The following GIGYF2 variants were observed in gnomAD, a reference collection of about 807,000 sequenced individuals.
GIGYF2 encodes the protein GRB10 interacting GYF protein 2.
A neutral mutation model predicts 208.1 loss-of-function variants in GIGYF2; 25 were observed. That is an observed-to-expected ratio of 0.12 (90% CI 0.09 to 0.17). The LOEUF (loss-of-function observed/expected upper bound fraction) is 0.17. Ranked by LOEUF, GIGYF2 falls within the 10% of genes least tolerant of loss-of-function variation. GIGYF2 has a pLI of 1.00. For synonymous variants in GIGYF2, 534 were observed against 543.8 expected (o/e 0.98, Z 0.25); for missense variants, 1,302 against 1,579.4 (o/e 0.82, Z 2.98).
At chr2:232,856,649 G>A (rs1035891657) in intron 28 of GIGYF2, 144 bp from the exon 29 acceptor site, 36 of 730,052 alleles carry the variant, frequency 4.9e-5, no homozygotes, top group African/African-American at 3.3e-4. Flanking sequence ...CCGAGATCAC[G>A]CCACTGCACT....
intron 16 of GIGYF2, among the ~76,000 whole-genome samples, chr2:232,810,145 G>T (rs542052546): frequency 6.6e-6 from 1 of 152,112 alleles, no homozygotes; most frequent in African/African-American, 2.4e-5. Flanking sequence ...GTGCCACCAC[G>T]CCCAGCCTAT....
At chr2:232,798,524 A>C (rs1700293854) in intron 14 of GIGYF2, among the ~76,000 whole-genome samples, 1 of 152,196 alleles carries the variant, frequency 6.6e-6, no homozygotes, top group Non-Finnish European at 1.5e-5. Flanking sequence ...TCATATGCCC[A>C]CCAGCAATGT....
intron 9 of GIGYF2, among the ~76,000 whole-genome samples, 196 bp from the exon 10 acceptor site, chr2:232,790,502 A>T (rs530838994): frequency 1.3e-5 from 2 of 152,282 alleles, no homozygotes; most frequent in South Asian, 4.1e-4. Flanking sequence ...GTACTTAAGT[A>T]CTGTTGTCAT....
intron 17 of GIGYF2, among the ~76,000 whole-genome samples, 156 bp downstream of exon 17, chr2:232,811,507 T>A (rs1204116889): frequency 6.6e-6 from 1 of 152,182 alleles, no homozygotes; most frequent in Non-Finnish European, 1.5e-5. Flanking sequence ...TTTAAAAAAA[T>A]ATTTCAGGTG....
chr2:232,794,960 A>G lies in GIGYF2; in HGVS notation c.1479+16A>G. The G allele has an allele frequency of 6.3e-7, 1 of 1,585,848 alleles. No homozygotes were observed. Among genetic ancestry groups the G allele is most frequent in the Non-Finnish European group, 8.7e-7 (1 of 1,154,640 alleles). ...TTTGGAGCAGGTAAAAATCCTGTTA[A>G]TTCTTTTTGTCTCCTCTTAAACTGC... is the stretch of plus-strand genomic sequence containing the variant. On this transcript the variant is annotated intron_variant, in intron 13 of 28. Coordinates refer to ENST00000373563, the MANE Select transcript of GIGYF2 (RefSeq NM_001103146.3).
In GIGYF2 at chr2:232,796,176, G is replaced by A. The variant is rs1375567405; in HGVS notation, c.1594G>A (p.Ala532Thr). ...KGVSIPLMHE[A>T]MQKWYYKDPQ... ...AGTGTCGATTCCATTGATGCATGAA[G>A]CAATGCAGAAGTGGTATTACAAAGA... Residue 532 changes from alanine (A) to threonine (T), a missense_variant, in exon 14 of 29, where the codon GCA (alanine) becomes ACA (threonine). Coordinates refer to ENST00000373563, the MANE Select transcript of GIGYF2 (RefSeq NM_001103146.3). The A allele has an allele frequency of 6.2e-7, 1 of 1,602,394 alleles. No homozygotes were observed. The highest frequency in any genetic ancestry group is 1.1e-5 in the South Asian group (1 of 90,854).
At chr2:232,805,243 G>A (rs994009622) in intron 14 of GIGYF2, among the ~76,000 whole-genome samples, 4 of 152,076 alleles carry the variant, frequency 2.6e-5, no homozygotes, top group African/African-American at 7.2e-5. Flanking sequence ...TTGGTTGATG[G>A]TTTTGTTGAA....
intron 16 of GIGYF2, chr2:232,810,940 A>ATT (rs1406550672): frequency 3.4e-6 from 1 of 298,368 alleles, no homozygotes; most frequent in Non-Finnish European, 6.4e-6. Flanking sequence ...GAGTTTACCA[A>ATT]TTTTTGACAT....
chr2:232,710,680 G>A (rs188237587), intron 2 of GIGYF2, among the ~76,000 whole-genome samples: 66 of 150,080 alleles, frequency 4.4e-4, no homozygotes, highest in Non-Finnish European at 7.5e-4. Flanking sequence ...TCACATTTTG[G>A]ATCTTGGTGT....
At position 232,856,819 on chromosome 2, in the gene GIGYF2, C is replaced by A. The variant is rs1350414008; in HGVS notation, c.3859C>A (p.Arg1287=). 1 of 1,613,166 alleles carries A rather than the reference C, an allele frequency of 6.2e-7. No homozygotes were observed. The highest frequency in any genetic ancestry group is 8.5e-7 in the Non-Finnish European group (1 of 1,179,226). Reference sequence around the variant, plus strand: ...ATTTTCAGTCAATGCATCATCGGAGCGACTCAACATGGGTGAAATCGAGAC... The same window carrying A: ...ATTTTCAGTCAATGCATCATCGGAGAGACTCAACATGGGTGAAATCGAGAC... The part of the protein sequence containing the change: ...LGFSVNASSE[R]LNMGEIETLD... The change falls in exon 29 of 29, where the codon CGA becomes AGA. Residue 1287 remains arginine (R), a synonymous_variant. Transcript: ENST00000373563.
chr2:232,708,671 TAAA>T lies in GIGYF2; in HGVS notation c.-44+5201_-44+5203del, dbSNP rs11365519. On this transcript the variant is annotated intron_variant, in intron 2 of 28. Transcript: ENST00000373563. ...GCAACATGGCAAAACCTCATTTCTT[TAAA>T]AAAAAAAAAAAAAAAAAAGTAGCTG... 4.5e-3 allele frequency among the ~76,000 whole-genome samples: 543 copies of T among 120,378 alleles called. 9 individuals are homozygous for T. The highest frequency in any genetic ancestry group is 0.015 in the African/African-American group (495 of 32,434). 79.0% of individuals were successfully genotyped at this position (120,378 alleles called of 152,430 possible).
rs574501943 is a variant in GIGYF2, at chr2:232,822,616, G to T, written c.2529+2631G>T. ...GAACTGCTTGAACGCGGGAGGCGGAGGTTGCAGTGACCCGAGGCACCCCTG... is the reference window on the plus strand; with the variant it reads ...GAACTGCTTGAACGCGGGAGGCGGATGTTGCAGTGACCCGAGGCACCCCTG... On this transcript the variant is annotated intron_variant, in intron 21 of 28. Transcript: ENST00000373563. Among the ~76,000 whole-genome samples the T allele has an allele frequency of 8.5e-5, 13 of 152,238 alleles. No homozygotes were observed. In the East Asian group the frequency reaches 2.5e-3, roughly 29 times the overall value.
intron 3 of GIGYF2, chr2:232,735,494 A>G (rs1697695567): frequency 2.6e-6 from 1 of 378,172 alleles, no homozygotes; most frequent in African/African-American, 2.1e-5. Context: ...CTAGAAAATT[A>G]TTTTCTTTTT....
chr2:232,772,285 T>C (rs1280354639), intron 8 of GIGYF2, among the ~76,000 whole-genome samples: 5 of 152,134 alleles, frequency 3.3e-5, no homozygotes, highest in Admixed American at 1.3e-4. Context: ...ATTCTTTCTG[T>C]CCTGGATGAT....
At chr2:232,714,091 A>G (rs891670700) in intron 2 of GIGYF2, among the ~76,000 whole-genome samples, 2 of 151,984 alleles carry the variant, frequency 1.3e-5, no homozygotes, top group African/African-American at 2.4e-5. Context: ...CTGGGACTAC[A>G]GGCACCCACC....
intron 14 of GIGYF2, among the ~76,000 whole-genome samples, chr2:232,798,683 C>G (rs911091945): frequency 1.3e-5 from 2 of 152,210 alleles, no homozygotes; most frequent in Middle Eastern, 3.4e-3. Context: ...TGTTGAACAT[C>G]TTTGCATGTT....
At position 232,711,857 on chromosome 2, in the gene GIGYF2, C is replaced by T. The variant is rs996944205; in HGVS notation, c.-44+8368C>T. ...TTTTTATCGCTTTACTTTAACACTG[C>T]ATCACCAGGTAGTTTTTTTTTTTAA... On this transcript the variant is annotated intron_variant, in intron 2 of 28. Transcript: ENST00000373563. 3.3e-5 allele frequency among the ~76,000 whole-genome samples: 5 copies of T among 150,958 alleles called. No homozygotes were observed. The East Asian group carries it at 9.7e-4, about 29-fold the overall frequency.
At chr2:232,846,276 C>T (rs896688862) in intron 26 of GIGYF2, among the ~76,000 whole-genome samples, 12 of 152,166 alleles carry the variant, frequency 7.9e-5, no homozygotes, top group Non-Finnish European at 1.6e-4. Flanking sequence ...ACATCATTCC[C>T]TTTCTACCTT....
intron 8 of GIGYF2, among the ~76,000 whole-genome samples, chr2:232,777,323 AAC>A (rs1327461890): frequency 2.0e-5 from 3 of 152,220 alleles, no homozygotes; most frequent in African/African-American, 7.2e-5. Flanking sequence ...CAGAAAATGT[AAC>A]ACAACATTGA....
Sources: gnomAD v4.1 joint callset for allele counts (sites outside exome capture counted in the v4.1 genomes callset) on GRCh38, gnomAD v4.1.1 for gene constraint, MANE v1.5 for transcripts, NCBI Gene and HGNC (gene_info 2026-07-23, HGNC 2026-07-21) for gene names.